PALM2AKAP2: variants seen among roughly 807,000 people sequenced by gnomAD.
PALM2AKAP2 encodes the protein PALM2 and AKAP2 fusion.
A neutral mutation model predicts 71.5 loss-of-function variants in PALM2AKAP2; 37 were observed. That is an observed-to-expected ratio of 0.52 (90% CI 0.40 to 0.68). The LOEUF is 0.68. PALM2AKAP2 is among the 30% of genes least tolerant of loss of function. The pLI is 0.00. For missense variants in PALM2AKAP2, 1,224 were observed against 1,191.8 expected, an observed-to-expected ratio of 1.03 and a Z score of -0.40; for synonymous variants, 468 against 478.8, an observed-to-expected ratio of 0.98 and a Z score of 0.29.
At chr9:110,141,081 A>G (rs976911455) in intron 2 of PALM2AKAP2, among the ~76,000 whole-genome samples, 1 of 152,162 alleles carries the variant, frequency 6.6e-6, no homozygotes, top group African/African-American at 2.4e-5. Flanking sequence ...TCTAGCACAT[A>G]AACAACTGTC....
intron 7 of PALM2AKAP2, among the ~76,000 whole-genome samples, chr9:110,041,382 G>A (rs1440391517): frequency 6.6e-6 from 1 of 151,924 alleles, no homozygotes; most frequent in Admixed American, 6.6e-5. Flanking sequence ...TGTCAATGTC[G>A]AGAAGGCACA....
In PALM2AKAP2 at chr9:109,867,083, A is replaced by G. The variant is rs921047778; in HGVS notation, c.46-408A>G. 8.8e-6 allele frequency: 4 copies of G among 456,484 alleles called. No individual in the cohort carries two copies. In the Admixed American group the frequency reaches 9.4e-5, roughly 11 times the overall value. The allele number at this position is 456,484 out of a possible 1,614,324, so 28.3% of individuals were successfully genotyped here. A position where few individuals can be genotyped will look rare whatever the true frequency, so the allele number is the denominator to read the frequency against. ...CACTGTCTTATTCTATGGTATTTGC[A>G]GTTTGTAAGAACCTCTGTCTTTTGG... On this transcript the variant is annotated intron_variant, in intron 1 of 9. Transcript: ENST00000302798.
intron 6 of PALM2AKAP2, among the ~76,000 whole-genome samples, chr9:109,954,658 T>TAAAAAAAAAA (rs56743395): frequency 9.3e-5 from 10 of 107,884 alleles, no homozygotes; most frequent in African/African-American, 1.4e-4. Flanking sequence ...TAAAGTATAA[T>TAAAAAAAAAA]AAAAAAAAAA....
intron 3 of PALM2AKAP2, among the ~76,000 whole-genome samples, chr9:109,909,350 T>C (rs1438497046): frequency 2.6e-5 from 4 of 152,240 alleles, no homozygotes; most frequent in Non-Finnish European, 4.4e-5. Context: ...GAATTTGTTC[T>C]TTTAAGATTC....
In PALM2AKAP2 at chr9:109,844,063, A is replaced by G. The variant is rs1465161853; in HGVS notation, c.46-23428A>G. ...CCTTTTGATGATTTATTTGTGAGAT[A>G]TGATTGCTCCTCTTGCAAATCAGAG... is the stretch of plus-strand genomic sequence containing the variant. On this transcript the variant is annotated intron_variant, in intron 1 of 9. Transcript: ENST00000302798. 2.6e-5 allele frequency among the ~76,000 whole-genome samples: 4 copies of G among 152,248 alleles called. No homozygotes were observed. The East Asian group carries it at 7.7e-4, about 29-fold the overall frequency.
chr9:109,745,827 C>G (rs1438598858), intron 1 of PALM2AKAP2, among the ~76,000 whole-genome samples: 1 of 152,152 alleles, frequency 6.6e-6, no homozygotes, highest in East Asian at 1.9e-4. Flanking sequence ...AACCATGCAG[C>G]TTGGCTCTGG....
chr9:110,109,352 C>T (rs367581912), intron 1 of PALM2AKAP2, among the ~76,000 whole-genome samples: 1 of 104,790 alleles, frequency 9.5e-6, no homozygotes, highest in African/African-American at 3.5e-5. Flanking sequence ...AAGAAAGAAA[C>T]ATTTAAAAAA....
chr9:109,950,298 A>G (rs905181519), intron 6 of PALM2AKAP2, among the ~76,000 whole-genome samples: 3 of 152,156 alleles, frequency 2.0e-5, no homozygotes, highest in African/African-American at 7.2e-5. Flanking sequence ...GTCTCAAAAA[A>G]AAAAACAAAA....
intron 2 of PALM2AKAP2, among the ~76,000 whole-genome samples, chr9:109,874,353 C>T (rs1829672733): frequency 6.6e-6 from 1 of 152,188 alleles, no homozygotes; most frequent in African/African-American, 2.4e-5. Flanking sequence ...CTTGGGTGAT[C>T]TTACACAGAG....
At chr9:110,087,320 C>G (rs1834597090) in intron 1 of PALM2AKAP2, among the ~76,000 whole-genome samples, 2 of 152,186 alleles carry the variant, frequency 1.3e-5, no homozygotes, top group South Asian at 4.1e-4. Context: ...GTCGGAGAGG[C>G]CCCAAAGGTT....
chr9:110,095,803 C>T (rs1265628085), intron 1 of PALM2AKAP2, among the ~76,000 whole-genome samples: 1 of 152,140 alleles, frequency 6.6e-6, no homozygotes, highest in Non-Finnish European at 1.5e-5. Context: ...AAAGTGATAG[C>T]TGTTAGGGGT....
chr9:110,016,116 G>A (rs754844151), intron 7 of PALM2AKAP2, 77 bp downstream of exon 7: 3 of 1,409,546 alleles, frequency 2.1e-6, no homozygotes, highest in Non-Finnish European at 3.0e-6. Flanking sequence ...TTTTCTGGGG[G>A]CAAAATGAAC....
At chr9:109,643,405 A>G (rs560254036) in intron 1 of PALM2AKAP2, among the ~76,000 whole-genome samples, 29 of 152,348 alleles carry the variant, frequency 1.9e-4, no homozygotes, top group Admixed American at 5.2e-4. Flanking sequence ...ATGCTCTCAC[A>G]TGGATAATCT....
At chr9:110,108,512 C>T (rs1474123883) in intron 1 of PALM2AKAP2, among the ~76,000 whole-genome samples, 1 of 152,106 alleles carries the variant, frequency 6.6e-6, no homozygotes, top group African/African-American at 2.4e-5. Flanking sequence ...TATTCTACTA[C>T]CCTAATATAA....
At chr9:109,925,003 A>G in intron 4 of PALM2AKAP2, 58 bp from the exon 5 acceptor site, 9 of 1,612,448 alleles carry the variant, frequency 5.6e-6, no homozygotes, top group Non-Finnish European at 7.6e-6. Flanking sequence ...AGATGGGAAA[A>G]GATGGGATTG....
rs117690294 is a variant in PALM2AKAP2, at chr9:110,037,551, G to A, written c.582+21512G>A. Among the ~76,000 whole-genome samples the A allele has an allele frequency of 3.9e-4, 59 of 152,268 alleles. No individual in the cohort carries two copies. In the East Asian group the frequency reaches 9.5e-3, roughly 24 times the overall value. On this transcript the variant is annotated intron_variant, in intron 7 of 9. Transcript: ENST00000302798. Reference sequence around the variant, plus strand: ...AGCACCTACTCTATGCCAAGCTCTAGGCATCTAGAAATTAACAAAAGAGAC... The same window carrying A: ...AGCACCTACTCTATGCCAAGCTCTAAGCATCTAGAAATTAACAAAAGAGAC...
At chr9:110,104,524 T>C (rs1034462478) in intron 1 of PALM2AKAP2, among the ~76,000 whole-genome samples, 1 of 152,176 alleles carries the variant, frequency 6.6e-6, no homozygotes, top group African/African-American at 2.4e-5. Flanking sequence ...TTTTTATAGC[T>C]AGTATAAACC....
At chr9:109,903,465 C>A (rs770742806) in intron 3 of PALM2AKAP2, among the ~76,000 whole-genome samples, 3 of 152,104 alleles carry the variant, frequency 2.0e-5, no homozygotes, top group Non-Finnish European at 4.4e-5. Flanking sequence ...GGCCCGAATC[C>A]CTGGACCTTC....
chr9:109,924,038 G>T (rs1348258100), intron 4 of PALM2AKAP2, among the ~76,000 whole-genome samples, 189 bp downstream of exon 4: 1 of 152,208 alleles, frequency 6.6e-6, no homozygotes, highest in Non-Finnish European at 1.5e-5. Flanking sequence ...ATCTTTGGGT[G>T]TGGGACCATC....
Sources: gnomAD v4.1 joint callset for allele counts (sites outside exome capture counted in the v4.1 genomes callset) on GRCh38, gnomAD v4.1.1 for gene constraint, MANE v1.5 for transcripts, NCBI Gene and HGNC (gene_info 2026-07-23, HGNC 2026-07-21) for gene names.